The following OSTN variants were observed in gnomAD, a reference collection of about 807,000 sequenced individuals.
OSTN encodes osteocrin.
In OSTN, 9 loss-of-function variants were observed where a neutral mutation model predicts 12.0. That is an observed-to-expected ratio of 0.75 (90% CI 0.45 to 1.30). The LOEUF (loss-of-function observed/expected upper bound fraction) is 1.30, where lower values mean the gene tolerates loss of function less well. Among genes scored for constraint, OSTN ranks in the 50% most tolerant of loss-of-function variants. OSTN has a pLI of 0.00. For missense variants in OSTN, 148 were observed against 152.3 expected, an observed-to-expected ratio of 0.97 and a Z score of 0.15; for synonymous variants, 59 against 56.9, an observed-to-expected ratio of 1.04 and a Z score of -0.16.
intron 3 of OSTN, among the ~76,000 whole-genome samples, chr3:191,224,452 A>G (rs1268606353): frequency 7.0e-6 from 1 of 143,524 alleles, no homozygotes; most frequent in African/African-American, 2.6e-5. Context: ...GACCGATTAT[A>G]TATTCAAAAT....
intron 4 of OSTN, among the ~76,000 whole-genome samples, chr3:191,261,590 A>G (rs1715811911): frequency 6.6e-6 from 1 of 152,156 alleles, no homozygotes; most frequent in Non-Finnish European, 1.5e-5. Context: ...AAATCCCCCC[A>G]CAAAAAAACA....
intron 4 of OSTN, among the ~76,000 whole-genome samples, chr3:191,255,458 T>C (rs1715650212): frequency 6.6e-6 from 1 of 152,196 alleles, no homozygotes; most frequent in Admixed American, 6.5e-5. Flanking sequence ...TTCCTCAAAG[T>C]AGTCTGGACA....
chr3:191,245,961 G>C (rs946969920), intron 3 of OSTN, among the ~76,000 whole-genome samples: 6 of 150,712 alleles, frequency 4.0e-5, no homozygotes, highest in Non-Finnish European at 7.4e-5. Context: ...CAGCTACTCC[G>C]GAGGCTGAGG....
intron 4 of OSTN, among the ~76,000 whole-genome samples, chr3:191,254,441 T>G (rs1032925498): frequency 6.6e-6 from 1 of 152,246 alleles, no homozygotes; most frequent in Non-Finnish European, 1.5e-5. Flanking sequence ...CTAACTTCAG[T>G]CTGCCGGGCT....
At position 191,218,883 on chromosome 3, in the gene OSTN, A is replaced by G. The variant is rs746513224; in HGVS notation, c.239A>G (p.Lys80Arg). The change falls in exon 3 of 5, where the codon AAG (lysine) becomes AGG (arginine). Residue 80 changes from lysine to arginine, a missense_variant. Coordinates refer to ENST00000682035, the MANE Select transcript of OSTN (RefSeq NM_198184.2). ...GAAAATGATGTGATTGAGACAAAGAAGAAAAGGAGTTTCTCTGGTTTTGGG... is the reference window on the plus strand; with the variant it reads ...GAAAATGATGTGATTGAGACAAAGAGGAAAAGGAGTTTCTCTGGTTTTGGG... Reference protein sequence around the residue: ...SLENDVIETKKKRSFSGFGSP... With the variant: ...SLENDVIETKRKRSFSGFGSP... 2 of 1,614,164 alleles carry G rather than the reference A, an allele frequency of 1.2e-6. No homozygotes were observed. The highest frequency in any genetic ancestry group is 2.2e-5 in the South Asian group (2 of 91,086).
chr3:191,223,992 G>T (rs528213892), intron 3 of OSTN, among the ~76,000 whole-genome samples: 2 of 151,460 alleles, frequency 1.3e-5, no homozygotes, highest in African/African-American at 4.8e-5. Context: ...ATGAACAAAC[G>T]ATACCAGAAA....
At chr3:191,215,041 C>T (rs1205182800) in intron 2 of OSTN, among the ~76,000 whole-genome samples, 1 of 152,128 alleles carries the variant, frequency 6.6e-6, no homozygotes, top group Non-Finnish European at 1.5e-5. Context: ...CTGCCCAAGA[C>T]TAGGTAATTT....
At chr3:191,217,834 C>T (rs1421736238) in intron 2 of OSTN, among the ~76,000 whole-genome samples, 1 of 152,024 alleles carries the variant, frequency 6.6e-6, no homozygotes, top group Non-Finnish European at 1.5e-5. Context: ...TTGTATCCTT[C>T]ATGTCCAATG....
intron 3 of OSTN, among the ~76,000 whole-genome samples, chr3:191,224,874 A>C (rs1306160705): frequency 6.6e-6 from 1 of 152,208 alleles, no homozygotes; most frequent in East Asian, 1.9e-4. Flanking sequence ...AACTAGCATG[A>C]TAGTAATAAA....
chr3:191,248,098 C>T (rs933937178), intron 3 of OSTN, among the ~76,000 whole-genome samples: 5 of 152,114 alleles, frequency 3.3e-5, no homozygotes, highest in South Asian at 2.1e-4. Context: ...CCTCCCAAAG[C>T]GCTGGGATTA....
chr3:191,212,267 T>C, intron 1 of OSTN, among the ~76,000 whole-genome samples: 1 of 152,216 alleles, frequency 6.6e-6, no homozygotes, highest in East Asian at 1.9e-4. Context: ...TTTCTCATAT[T>C]GTGGGTCAGT....
At chr3:191,207,081 C>A (rs1451688972) in intron 1 of OSTN, among the ~76,000 whole-genome samples, 1 of 152,110 alleles carries the variant, frequency 6.6e-6, no homozygotes, top group Non-Finnish European at 1.5e-5. Context: ...CCTGCTAAAT[C>A]TCTTAAATGT....
At chr3:191,230,336 CG>C (rs1173663531) in intron 3 of OSTN, among the ~76,000 whole-genome samples, 1 of 151,484 alleles carries the variant, frequency 6.6e-6, no homozygotes, top group Non-Finnish European at 1.5e-5. Flanking sequence ...TAGGCAGAGG[CG>C]GGCAGATCAC....
intron 3 of OSTN, among the ~76,000 whole-genome samples, chr3:191,238,069 G>A (rs1576934285): frequency 6.6e-6 from 1 of 152,084 alleles, no homozygotes; most frequent in Non-Finnish European, 1.5e-5. Context: ...AGCCAATCGC[G>A]GCATCTCAAG....
chr3:191,242,002 T>C (rs1715331534), intron 3 of OSTN, among the ~76,000 whole-genome samples: 1 of 151,900 alleles, frequency 6.6e-6, no homozygotes, highest in Non-Finnish European at 1.5e-5. Context: ...CAAATAGCAA[T>C]GTATTTAAAA....
chr3:191,239,847 T>A (rs1293841261), intron 3 of OSTN, among the ~76,000 whole-genome samples: 1 of 152,180 alleles, frequency 6.6e-6, no homozygotes, highest in Non-Finnish European at 1.5e-5. Context: ...CTCTGATTGG[T>A]CAGTTTGGGA....
At chr3:191,238,625 T>A (rs1462302114) in intron 3 of OSTN, among the ~76,000 whole-genome samples, 2 of 152,200 alleles carry the variant, frequency 1.3e-5, no homozygotes, top group Non-Finnish European at 2.9e-5. Context: ...GAACTTAACT[T>A]TCCCTTTGGG....
intron 3 of OSTN, among the ~76,000 whole-genome samples, chr3:191,231,258 A>G (rs1355476662): frequency 6.6e-6 from 1 of 152,122 alleles, no homozygotes; most frequent in East Asian, 1.9e-4. Context: ...ACAATTTCAG[A>G]CTTATTTTGA....
At chr3:191,220,946 C>A (rs1378957385) in intron 3 of OSTN, among the ~76,000 whole-genome samples, 2 of 152,046 alleles carry the variant, frequency 1.3e-5, no homozygotes, top group Non-Finnish European at 1.5e-5. Flanking sequence ...CCATTGAAAT[C>A]TCATCTTGAA....
Sources: gnomAD v4.1 joint callset for allele counts (sites outside exome capture counted in the v4.1 genomes callset) on GRCh38, gnomAD v4.1.1 for gene constraint, MANE v1.5 for transcripts, NCBI Gene and HGNC (gene_info 2026-07-23, HGNC 2026-07-21) for gene names.